The following ZNF682 variants were observed in gnomAD, a reference collection of about 807,000 sequenced individuals.
ZNF682 encodes zinc finger protein 682.
Under a neutral mutation model 36.5 loss-of-function variants are expected in ZNF682, and 29 were observed. The ratio of observed to expected loss-of-function variants is 0.80; its 90% CI spans 0.59 to 1.08. The LOEUF is 1.08. Ranked by LOEUF, ZNF682 falls within the 50% of genes least tolerant of loss-of-function variation. The probability of loss-of-function intolerance (pLI) is 0.00; values close to 1 mark genes in which losing one functional copy is unlikely to be tolerated. For synonymous variants in ZNF682, 180 were observed against 197.0 expected (o/e 0.91, Z 0.72); for missense variants, 561 against 579.7 (o/e 0.97, Z 0.33).
downstream of ZNF682, among the ~76,000 whole-genome samples, chr19:20,000,349 T>C (rs1416271676): frequency 6.6e-6 from 1 of 152,204 alleles, no homozygotes; most frequent in Non-Finnish European, 1.5e-5. Context: ...GTTTTAGCCT[T>C]ACAAAGGCTC....
chr19:20,028,996 G>C (rs866304488), intron 1 of ZNF682, among the ~76,000 whole-genome samples: 6 of 44,704 alleles, frequency 1.3e-4, no homozygotes, highest in Non-Finnish European at 3.3e-4. Context: ...TTTTTTTTTT[G>C]GAGATAGAGT....
chr19:19,999,465 C>G (rs576216962), downstream of ZNF682, among the ~76,000 whole-genome samples: 2 of 152,202 alleles, frequency 1.3e-5, no homozygotes, highest in Admixed American at 6.5e-5. Context: ...ATATGGCCAT[C>G]TGAAGCCTGT....
chr19:20,037,960 G>C (rs1020603083), intron 1 of ZNF682, among the ~76,000 whole-genome samples: 1 of 152,200 alleles, frequency 6.6e-6, no homozygotes, highest in Admixed American at 6.5e-5. Context: ...TACCTGGCAG[G>C]GTTGCCCCTG....
chr19:20,006,581 GT>G lies in ZNF682; in HGVS notation c.920del (p.His307ProfsTer55). 6.2e-7 allele frequency: 1 copy of G among 1,614,136 alleles called. No homozygotes were observed. Among genetic ancestry groups the G allele is most frequent in the African/African-American group, 1.3e-5 (1 of 75,044 alleles). On this transcript the variant is annotated frameshift_variant, in exon 4 of 4. Transcript: ENST00000397165. LOFTEE classifies it high-confidence loss of function. ...TACATTTGTAGGGTTTCTTTCCAGT[GT>G]GAATTGTCTTATGTTTGGTGAGATG... ...HSHLTKHKTI[H>X]TGKKPYKCKE... is the part of the protein sequence containing the mutation.
chr19:20,023,959 C>G (rs2088409741), intron 2 of ZNF682, among the ~76,000 whole-genome samples: 1 of 151,760 alleles, frequency 6.6e-6, no homozygotes, highest in Non-Finnish European at 1.5e-5. Flanking sequence ...CAAGCCTGGG[C>G]AACAGAGCTA....
Position 19,998,682 on chromosome 19 carries a change from T to C in ZNF682, c.227-1419A>G, listed in dbSNP as rs368856262. Among the ~76,000 whole-genome samples the C allele has an allele frequency of 7.9e-5, 12 of 152,140 alleles. No individual in the cohort carries two copies. The South Asian group carries it at 1.0e-3, about 13-fold the overall frequency. On this transcript the variant is annotated intron_variant, in intron 3 of 3. Coordinates refer to the ZNF682 transcript ENST00000596019. The stretch of plus-strand genomic sequence containing the variant: ...AGCTTTAAACTCACTCATGTGGAAA[T>C]TGGCAAGACTTTGTGTGGCCTGAGA...
intron 1 of ZNF682, among the ~76,000 whole-genome samples, chr19:20,030,242 A>G (rs984554002): frequency 3.5e-4 from 54 of 152,320 alleles, no homozygotes; most frequent in African/African-American, 1.3e-3. Context: ...TAGAAGCTAA[A>G]TATTTAGTCT....
chr19:20,017,297 T>TA (rs1392025407), intron 3 of ZNF682, among the ~76,000 whole-genome samples: 1 of 152,178 alleles, frequency 6.6e-6, no homozygotes, highest in African/African-American at 2.4e-5. Flanking sequence ...AACAAAATCT[T>TA]ACAATATGCG....
Position 20,027,689 on chromosome 19 carries a change from G to A in ZNF682, c.4-3313C>T, listed in dbSNP as rs886349330. Among the ~76,000 whole-genome samples, 3 of 151,864 alleles carry A rather than the reference G, an allele frequency of 2.0e-5. No homozygotes were observed. In the South Asian group the frequency reaches 6.2e-4, roughly 32 times the overall value. ...CAGGAGAATCACTTGAACCCAGGAG[G>A]CAGAGGTTGTGGTGAGCCGAGATCG... On this transcript the variant is annotated intron_variant, in intron 1 of 3. Coordinates refer to ENST00000397165, the MANE Select transcript of ZNF682 (RefSeq NM_033196.3).
At chr19:20,018,929 A>G (rs937128160) in intron 3 of ZNF682, among the ~76,000 whole-genome samples, 2 of 152,226 alleles carry the variant, frequency 1.3e-5, no homozygotes, top group African/African-American at 4.8e-5. Context: ...GAATTTCTGC[A>G]CATCAAAGGA....
At chr19:20,012,882 A>C (rs558431966) in intron 3 of ZNF682, among the ~76,000 whole-genome samples, 1 of 152,120 alleles carries the variant, frequency 6.6e-6, no homozygotes, top group East Asian at 1.9e-4. Context: ...GCCAAGAAAC[A>C]TGAAAAAATG....
chr19:20,006,718 AT>A lies in ZNF682; in HGVS notation c.783del (p.Glu261AspfsTer101), dbSNP rs759991690. 1 of 1,613,970 alleles carries A rather than the reference AT, an allele frequency of 6.2e-7. No homozygotes were observed. Among genetic ancestry groups the A allele is most frequent in the African/African-American group, 1.3e-5 (1 of 75,024 alleles). ...HTGEKPYKCE[E>X]CGKAFHWCSP... ...GAACACCAGTGAAAGGCTTTTCCAC[AT>A]TCTTCACATTTGTAGGGTTTCTCAC... On this transcript the variant is annotated frameshift_variant, in exon 4 of 4. Transcript: ENST00000397165. LOFTEE classifies it high-confidence loss of function.
In ZNF682 at chr19:20,024,304, G is replaced by A. The variant is rs759184157; in HGVS notation, c.76C>T (p.Gln26Ter). ...EEWEFLNPAQ[Q>*]SLYRKVMLEN... ...AGCATCACTTTCCTATACAAACTCTGCTGAGCAGGGTTCAGAAACTCCCAC... is the reference window on the plus strand; with the variant it reads ...AGCATCACTTTCCTATACAAACTCTACTGAGCAGGGTTCAGAAACTCCCAC... Residue 26 changes from glutamine to a stop codon, truncating the protein, a stop_gained, in exon 2 of 4, where the codon CAG becomes TAG. Coordinates refer to ENST00000397165, the MANE Select transcript of ZNF682 (RefSeq NM_033196.3). LOFTEE classifies it high-confidence loss of function. The A allele has an allele frequency of 7.4e-6, 12 of 1,614,004 alleles. No homozygotes were observed. The South Asian group carries it at 1.3e-4, about 18-fold the overall frequency.
chr19:19,997,446 G>A (rs2088134669), intron 3 of ZNF682, among the ~76,000 whole-genome samples: 1 of 152,150 alleles, frequency 6.6e-6, no homozygotes, highest in African/African-American at 2.4e-5. Flanking sequence ...CTCTGAGACT[G>A]CAAAAATGCT....
chr19:20,020,770 G>A (rs544221037), intron 3 of ZNF682, among the ~76,000 whole-genome samples: 34 of 152,212 alleles, frequency 2.2e-4, no homozygotes, highest in African/African-American at 8.2e-4. Context: ...AACATGGATG[G>A]ACCTGGAAGA....
intron 3 of ZNF682, among the ~76,000 whole-genome samples, chr19:20,020,478 C>A (rs1302725898): frequency 6.6e-6 from 1 of 152,136 alleles, no homozygotes; most frequent in Non-Finnish European, 1.5e-5. Context: ...GCCTGGGTGA[C>A]AGGGTGAGAC....
chr19:20,020,272 C>T (rs1039188466), intron 3 of ZNF682, among the ~76,000 whole-genome samples: 2 of 151,908 alleles, frequency 1.3e-5, no homozygotes, highest in Non-Finnish European at 2.9e-5. Flanking sequence ...CTGAGGCAGG[C>T]GGATCACGAG....
chr19:20,001,095 A>C (rs2088165604), downstream of ZNF682, among the ~76,000 whole-genome samples: 2 of 152,226 alleles, frequency 1.3e-5, no homozygotes, highest in African/African-American at 4.8e-5. Context: ...CATTCGTCCC[A>C]GTGGCAACTT....
chr19:20,033,094 C>T (rs987672497), intron 1 of ZNF682, among the ~76,000 whole-genome samples: 1 of 152,016 alleles, frequency 6.6e-6, no homozygotes, highest in Admixed American at 6.6e-5. Context: ...GGTGAAACCC[C>T]GCCTTTACTA....
Sources: allele counts gnomAD v4.1 joint callset (sites outside exome capture counted in the v4.1 genomes callset), GRCh38; gene constraint gnomAD v4.1.1; transcripts MANE v1.5; gene names NCBI Gene and HGNC (gene_info 2026-07-23, HGNC 2026-07-21).